The following EBF3 variants were observed in gnomAD, a reference collection of about 807,000 sequenced individuals.
EBF3 encodes the protein transcription factor COE3.
Under a neutral mutation model 77.1 loss-of-function variants are expected in EBF3, and 18 were observed. That is an observed-to-expected ratio of 0.23 (90% CI 0.16 to 0.35). EBF3 has a LOEUF of 0.35. EBF3 is among the 10% of genes least tolerant of loss of function. The probability of loss-of-function intolerance (pLI) is 1.00; values close to 1 mark genes in which losing one functional copy is unlikely to be tolerated. For missense variants in EBF3, 558 were observed against 860.0 expected, an observed-to-expected ratio of 0.65 and a Z score of 4.39; for synonymous variants, 350 against 343.5, an observed-to-expected ratio of 1.02 and a Z score of -0.21.
chr10:129,853,285 A>G (rs1851023594), intron 10 of EBF3, among the ~76,000 whole-genome samples: 1 of 152,240 alleles, frequency 6.6e-6, no homozygotes, highest in Non-Finnish European at 1.5e-5. Flanking sequence ...GAGAGATACA[A>G]GAAGTTTTAG....
At chr10:129,914,761 G>T (rs1855758225) in intron 6 of EBF3, among the ~76,000 whole-genome samples, 1 of 152,164 alleles carries the variant, frequency 6.6e-6, no homozygotes, top group Non-Finnish European at 1.5e-5. Context: ...TCCTGCAGAG[G>T]CTTCAGCTGC....
At chr10:129,876,298 G>A (rs1478190969) in intron 7 of EBF3, among the ~76,000 whole-genome samples, 1 of 152,232 alleles carries the variant, frequency 6.6e-6, no homozygotes, top group Non-Finnish European at 1.5e-5. Context: ...TACGGGGTCT[G>A]CAGTCAACCA....
chr10:129,940,263 G>A (rs1857640288), intron 6 of EBF3, among the ~76,000 whole-genome samples: 1 of 152,078 alleles, frequency 6.6e-6, no homozygotes, highest in South Asian at 2.1e-4. Flanking sequence ...CCTCTGACCT[G>A]TCCTCACAAA....
chr10:129,871,551 G>A (rs1852409527), intron 8 of EBF3, among the ~76,000 whole-genome samples: 2 of 152,126 alleles, frequency 1.3e-5, no homozygotes, highest in South Asian at 2.1e-4. Flanking sequence ...TGGGACTGAT[G>A]TAGAGCCAGC....
At chr10:129,886,154 T>A (rs1279396493) in intron 6 of EBF3, among the ~76,000 whole-genome samples, 4 of 150,842 alleles carry the variant, frequency 2.7e-5, no homozygotes, top group African/African-American at 9.7e-5. Flanking sequence ...AATTAAGAAC[T>A]ATCATCTTTG....
chr10:129,921,586 T>C (rs1223249771), intron 6 of EBF3, among the ~76,000 whole-genome samples: 2 of 152,212 alleles, frequency 1.3e-5, no homozygotes, highest in African/African-American at 4.8e-5. Flanking sequence ...AAGGTCTCTG[T>C]GTCCATGCCA....
chr10:129,908,625 G>A (rs986664208), intron 6 of EBF3, among the ~76,000 whole-genome samples: 5 of 152,328 alleles, frequency 3.3e-5, no homozygotes, highest in East Asian at 1.9e-4. Flanking sequence ...CGCAGCCACC[G>A]CCGCTGGCCC....
intron 6 of EBF3, among the ~76,000 whole-genome samples, chr10:129,924,062 T>G (rs1202501269): frequency 6.6e-6 from 1 of 152,032 alleles, no homozygotes; most frequent in Non-Finnish European, 1.5e-5. Context: ...AAGAGGGAAA[T>G]GCAAATCCAA....
chr10:129,875,187 C>CTTTTTTTT (rs1193539598), intron 7 of EBF3, among the ~76,000 whole-genome samples: 8 of 92,942 alleles, frequency 8.6e-5, no homozygotes, highest in African/African-American at 1.2e-4. Context: ...ATGGCTTCTT[C>CTTTTTTTT]TTTTTTTTTT....
intron 8 of EBF3, among the ~76,000 whole-genome samples, chr10:129,871,518 G>C (rs1176465386): frequency 6.6e-6 from 1 of 152,112 alleles, no homozygotes; most frequent in Non-Finnish European, 1.5e-5. Flanking sequence ...TGCGGTTTTG[G>C]GGGGCACTTT....
chr10:129,888,631 C>T (rs1036420921), intron 6 of EBF3, among the ~76,000 whole-genome samples: 1 of 152,166 alleles, frequency 6.6e-6, no homozygotes, highest in Non-Finnish European at 1.5e-5. Flanking sequence ...CGGTGGGAAC[C>T]GAACACCAGA....
rs1564912987 is a variant in EBF3 at position 129,943,479 on chromosome 10, T to C, written c.554+13779A>G. ...ATTTGTGGTTTTCTCCATCATTATA[T>C]AACTGTAAACTTCTGGAGGTTAGAG... On this transcript the variant is annotated intron_variant, in intron 6 of 16. Transcript: ENST00000440978. This position sits in a 1 kb window ranked among gnomAD's most constrained non-coding sequence, Gnocchi z 8.8. 6.6e-6 allele frequency among the ~76,000 whole-genome samples: 1 copy of C among 152,202 alleles called. No individual in the cohort carries two copies. The highest frequency in any genetic ancestry group is 2.4e-5 in the African/African-American group (1 of 41,446).
intron 5 of EBF3, among the ~76,000 whole-genome samples, chr10:129,957,936 A>G (rs1859164158): frequency 1.3e-5 from 2 of 152,278 alleles, no homozygotes; most frequent in Non-Finnish European, 2.9e-5. Flanking sequence ...TGTCTAAATT[A>G]GCTAAATTAA....
At chr10:129,851,565 G>A (rs1228170681) in intron 10 of EBF3, among the ~76,000 whole-genome samples, 4 of 152,242 alleles carry the variant, frequency 2.6e-5, no homozygotes, top group South Asian at 2.1e-4. Flanking sequence ...TTTGAGAAAC[G>A]TATTGTAAGC....
intron 6 of EBF3, among the ~76,000 whole-genome samples, chr10:129,895,401 G>A (rs963962516): frequency 2.0e-5 from 3 of 152,224 alleles, no homozygotes; most frequent in African/African-American, 4.8e-5. Flanking sequence ...AGGCTCGGGT[G>A]TACCAAGAGC....
At position 129,935,984 on chromosome 10, in the gene EBF3, C is replaced by G. The variant is rs556220161; in HGVS notation, c.554+21274G>C. ...CGGGGGGCTTCCTGAAGCTGCCCCC[C>G]CCGCCCAACAATGCAGCTGGTGCCC... On this transcript the variant is annotated intron_variant, in intron 6 of 16. Coordinates refer to ENST00000440978, the MANE Select transcript of EBF3 (RefSeq NM_001375380.1). This position sits in a 1 kb window ranked among gnomAD's most constrained non-coding sequence, Gnocchi z 4.2. Among the ~76,000 whole-genome samples, 4 of 150,784 alleles carry G rather than the reference C, an allele frequency of 2.7e-5. No individual in the cohort carries two copies. The highest frequency in any genetic ancestry group is 5.0e-5 in the African/African-American group (2 of 40,086).
chr10:129,894,316 G>A (rs1484420646), intron 6 of EBF3, among the ~76,000 whole-genome samples: 2 of 152,310 alleles, frequency 1.3e-5, no homozygotes, highest in East Asian at 3.9e-4. Context: ...CATAAATGAA[G>A]GGGGTTCTAA....
chr10:129,963,429 T>C lies in EBF3; in HGVS notation c.229A>G (p.Arg77Gly). Residue 77 changes from arginine (R) to glycine (G), a missense_variant, in exon 2 of 17, where the codon AGG (arginine) becomes GGG (glycine). Arg to Gly is a moderately radical substitution (Grantham distance 125, BLOSUM62 -2). Around this residue, in one of 5 missense-constraint regions of EBF3, gnomAD observed 84 missense variants for 142.3 expected, o/e 0.59. Transcript: ENST00000440978. The surrounding 1 kb of genome is among the most constrained non-coding windows in gnomAD (Gnocchi z 7.1). Reference protein sequence around the residue: ...FFHFVLALYDRQGQPVEIERT... With the variant: ...FFHFVLALYDGQGQPVEIERT... ...TCAATCTCCACCGGCTGCCCCTGCC[T>C]ATCGTAGAGCGCCAGCACGAAGTGG... 2 of 1,591,782 alleles carry C rather than the reference T, an allele frequency of 1.3e-6. No individual in the cohort carries two copies. The highest frequency in any genetic ancestry group is 2.4e-5 in the East Asian group (1 of 42,454).
At chr10:129,942,817 GGACA>G (rs1382278799) in intron 6 of EBF3, among the ~76,000 whole-genome samples, 1 of 152,144 alleles carries the variant, frequency 6.6e-6, no homozygotes, top group Admixed American at 6.5e-5. Context: ...TTAAAAACCA[GGACA>G]GACTCTCCTC....
Sources: allele counts gnomAD v4.1 joint callset (sites outside exome capture counted in the v4.1 genomes callset), GRCh38; gene constraint gnomAD v4.1.1; regional missense constraint gnomAD v4.1.1; non-coding constraint Gnocchi (gnomAD v3.1); transcripts MANE v1.5; gene names NCBI Gene and HGNC (gene_info 2026-07-23, HGNC 2026-07-21).